Variants in FOXN2 observed in about 807,000 individuals in gnomAD.
FOXN2 encodes forkhead box N2, also known as forkhead box protein N2.
A neutral mutation model predicts 41.2 loss-of-function variants in FOXN2; 19 were observed. The ratio of observed to expected loss-of-function variants is 0.46; its 90% confidence interval spans 0.32 to 0.68. The LOEUF is 0.68. Ranked by LOEUF, FOXN2 falls within the 30% of genes least tolerant of loss-of-function variation. FOXN2 has a pLI of 0.03. For synonymous variants in FOXN2, 195 were observed against 176.8 expected, an observed-to-expected ratio of 1.10 and a Z score of -0.82; for missense variants, 587 against 509.4, an observed-to-expected ratio of 1.15 and a Z score of -1.47.
chr2:48,374,980 T>C lies in FOXN2; in HGVS notation c.833T>C (p.Phe278Ser). 1 of 1,613,926 alleles carries C rather than the reference T, an allele frequency of 6.2e-7. No individual in the cohort carries two copies. Among genetic ancestry groups the C allele is most frequent in the South Asian group, 1.1e-5 (1 of 91,078 alleles). ...AAAAAGAGGAGTTACGGCAATGCAT[T>C]TCATCATCCCAGTGCTGTACGATTA... ...LQKKRSYGNA[F>S]HHPSAVRLQE... is the part of the protein sequence containing the mutation. Residue 278 changes from phenylalanine to serine, a missense_variant, in exon 7 of 7, where the codon TTT becomes TCT. Physicochemically the swap from Phe to Ser is radical, Grantham distance 155 (BLOSUM62 -2). Transcript: ENST00000340553.
At chr2:48,315,157 A>G (rs1572680908) in intron 1 of FOXN2, among the ~76,000 whole-genome samples, 3 of 152,066 alleles carry the variant, frequency 2.0e-5, no homozygotes, top group Admixed American at 6.5e-5. Flanking sequence ...CTCTCCGGGA[A>G]GGCGTGGAGG....
chr2:48,359,193 A>C, intron 4 of FOXN2, 46 bp downstream of exon 4: 8 of 1,359,380 alleles, frequency 5.9e-6, no homozygotes, highest in Non-Finnish European at 8.4e-6. Context: ...ATAGGATTTC[A>C]CTGTGTGAGA....
chr2:48,361,051 AT>A (rs1373571977), intron 4 of FOXN2, among the ~76,000 whole-genome samples: 1 of 151,328 alleles, frequency 6.6e-6, no homozygotes, highest in Admixed American at 6.6e-5. Flanking sequence ...AATTGGCACC[AT>A]TTTTTGTAAA....
chr2:48,329,265 T>C (rs759492667), intron 2 of FOXN2, among the ~76,000 whole-genome samples: 1 of 152,182 alleles, frequency 6.6e-6, no homozygotes, highest in African/African-American at 2.4e-5. Context: ...AATATTTAAA[T>C]AGAAGTAGCA....
rs990829579 is a variant in FOXN2, at chr2:48,376,306, A to G, written c.*863A>G. ...ACACCCATTTTGACACACTTGTAAT[A>G]AGAGAATCTTTCATTTGCCTGCCAT... On this transcript the variant is annotated 3_prime_UTR_variant, in exon 7 of 7. Coordinates refer to ENST00000340553, the MANE Select transcript of FOXN2 (RefSeq NM_002158.4). 2 of 152,044 alleles carry G rather than the reference A, an allele frequency of 1.3e-5. No homozygotes were observed. The highest frequency in any genetic ancestry group is 4.8e-5 in the African/African-American group (2 of 41,426). The allele number at this position is 152,044 out of a possible 1,614,324, so 9.4% of individuals were successfully genotyped here. A position where few individuals can be genotyped will look rare whatever the true frequency, so the allele number is the denominator to read the frequency against.
intron 5 of FOXN2, among the ~76,000 whole-genome samples, chr2:48,371,655 T>C (rs541341476): frequency 1.2e-4 from 19 of 152,332 alleles, no homozygotes; most frequent in African/African-American, 4.1e-4. Context: ...ATATCATTGG[T>C]ATTTTGATAG....
At chr2:48,354,604 C>CA (rs1362194681) in intron 3 of FOXN2, among the ~76,000 whole-genome samples, 4 of 151,360 alleles carry the variant, frequency 2.6e-5, no homozygotes, top group Admixed American at 2.0e-4. Flanking sequence ...GTCTCAAAAA[C>CA]AAAAAAAAGT....
chr2:48,366,396 C>T (rs1467675796), intron 5 of FOXN2, among the ~76,000 whole-genome samples: 4 of 150,932 alleles, frequency 2.7e-5, no homozygotes, highest in East Asian at 1.9e-4. Flanking sequence ...TGATTATCAA[C>T]GATTTGTCCA....
intron 1 of FOXN2, among the ~76,000 whole-genome samples, chr2:48,315,923 T>G (rs536215046): frequency 4.6e-5 from 7 of 152,212 alleles, no homozygotes; most frequent in African/African-American, 1.7e-4. Context: ...CCACAGACTT[T>G]CTTTCTCCTA....
At chr2:48,347,114 G>T (rs1671155438) in intron 3 of FOXN2, among the ~76,000 whole-genome samples, 1 of 151,240 alleles carries the variant, frequency 6.6e-6, no homozygotes, top group South Asian at 2.1e-4. Context: ...AATTGATATG[G>T]TTGGGTTTAA....
In FOXN2 at chr2:48,320,373, C is replaced by G. The variant is rs148736445; in HGVS notation, c.-157+5559C>G. 2.1e-3 allele frequency among the ~76,000 whole-genome samples: 320 copies of G among 152,112 alleles called. 1 individual carries two copies. The highest frequency in any genetic ancestry group is 7.3e-3 in the African/African-American group (304 of 41,496). On this transcript the variant is annotated intron_variant, in intron 1 of 6. Transcript: ENST00000340553. Reference sequence around the variant, plus strand: ...TGGCTCCATCTCAGCTTACTGCAACCTCTGTCTCCCGGGTTCAAGCAGTTC... The same window carrying G: ...TGGCTCCATCTCAGCTTACTGCAACGTCTGTCTCCCGGGTTCAAGCAGTTC...
At chr2:48,316,252 G>A (rs1217579732) in intron 1 of FOXN2, among the ~76,000 whole-genome samples, 1 of 152,076 alleles carries the variant, frequency 6.6e-6, no homozygotes, top group Non-Finnish European at 1.5e-5. Context: ...GTTCTCTGCT[G>A]TTTTGTTGAT....
At chr2:48,349,427 G>A (rs921106533) in intron 3 of FOXN2, among the ~76,000 whole-genome samples, 4 of 152,096 alleles carry the variant, frequency 2.6e-5, no homozygotes, top group South Asian at 2.1e-4. Context: ...GCAGTGGGCC[G>A]AGATTGTGCC....
In FOXN2 at chr2:48,378,883, T is replaced by A. The variant is rs1673406739; in HGVS notation, c.*3440T>A. 1 of 152,590 alleles carries A rather than the reference T, an allele frequency of 6.6e-6. No homozygotes were observed. The highest frequency in any genetic ancestry group is 6.5e-5 in the Admixed American group (1 of 15,280). 9.5% of individuals were successfully genotyped at this position (152,590 alleles called of 1,614,324 possible). A position where few individuals can be genotyped will look rare whatever the true frequency, so the allele number is the denominator to read the frequency against. Reference sequence around the variant, plus strand: ...CCATTGTCAAAACTTATTTTTTAAATCGTTGTACATTTCTTATTAAACTAA... The same window carrying A: ...CCATTGTCAAAACTTATTTTTTAAAACGTTGTACATTTCTTATTAAACTAA... On this transcript the variant is annotated 3_prime_UTR_variant, in exon 7 of 7. Coordinates refer to ENST00000340553, the MANE Select transcript of FOXN2 (RefSeq NM_002158.4).
At chr2:48,351,381 A>G (rs901183725) in intron 3 of FOXN2, among the ~76,000 whole-genome samples, 1 of 152,218 alleles carries the variant, frequency 6.6e-6, no homozygotes, top group African/African-American at 2.4e-5. Context: ...TTAAAAAGTA[A>G]GAAGGCAAAC....
intron 3 of FOXN2, 134 bp downstream of exon 3, chr2:48,346,885 A>G: frequency 1.5e-6 from 1 of 678,852 alleles, no homozygotes; most frequent in East Asian, 2.9e-5. Context: ...AATTATATTC[A>G]TTTGTTTTCA....
At chr2:48,317,856 C>T (rs1386449310) in intron 1 of FOXN2, among the ~76,000 whole-genome samples, 2 of 151,902 alleles carry the variant, frequency 1.3e-5, no homozygotes, top group African/African-American at 2.4e-5. Context: ...ATCCGCCTGC[C>T]TCAGCCTCCC....
chr2:48,315,668 G>A (rs982623452), intron 1 of FOXN2, among the ~76,000 whole-genome samples: 1 of 152,156 alleles, frequency 6.6e-6, no homozygotes, highest in African/African-American at 2.4e-5. Flanking sequence ...GTGGTAGTTA[G>A]CGGAAAGCAG....
At chr2:48,326,827 G>C (rs1294963785) in intron 1 of FOXN2, among the ~76,000 whole-genome samples, 3 of 152,164 alleles carry the variant, frequency 2.0e-5, no homozygotes, top group Admixed American at 6.5e-5. Flanking sequence ...TGAATATTAT[G>C]TTTAGACTTG....
Sources: gnomAD v4.1 joint callset for allele counts (sites outside exome capture counted in the v4.1 genomes callset) on GRCh38, gnomAD v4.1.1 for gene constraint, MANE v1.5 for transcripts, NCBI Gene and HGNC (gene_info 2026-07-23, HGNC 2026-07-21) for gene names.